The following KLHL26 variants were observed in gnomAD, a reference collection of about 807,000 sequenced individuals.
KLHL26 encodes the protein kelch-like protein 26.
KLHL26 carries 4 observed loss-of-function variants against 7.1 expected under a neutral mutation model. The observed-to-expected ratio is 0.56, with a 90% CI of 0.28 to 1.28. The LOEUF is 1.28. Among genes scored for constraint, KLHL26 ranks in the 50% most tolerant of loss-of-function variants. The pLI, the probability that KLHL26 is intolerant of heterozygous loss-of-function variation, is 0.11. For synonymous variants in KLHL26, 465 were observed against 414.1 expected, an observed-to-expected ratio of 1.12 and a Z score of -1.49; for missense variants, 896 against 924.6, an observed-to-expected ratio of 0.97 and a Z score of 0.40.
chr19:18,657,225 C>G (rs917625875), intron 1 of KLHL26, among the ~76,000 whole-genome samples: 6 of 151,128 alleles, frequency 4.0e-5, no homozygotes, highest in African/African-American at 1.5e-4. Context: ...CCCTGGGTCT[C>G]TGTCTCCCTG....
At chr19:18,664,181 C>A (rs1456061704) in intron 1 of KLHL26, 80 bp from the exon 2 acceptor site, 1 of 1,341,366 alleles carries the variant, frequency 7.5e-7, no homozygotes, top group Non-Finnish European at 1.0e-6. Context: ...TGTCTGGCTT[C>A]TTGCACTGAG....
intron 1 of KLHL26, among the ~76,000 whole-genome samples, chr19:18,647,262 T>TCGTTGTC (rs1976820898): frequency 6.6e-6 from 1 of 152,204 alleles, no homozygotes; most frequent in Non-Finnish European, 1.5e-5. Flanking sequence ...GGCCTCCTTG[T>TCGTTGTC]CGTTGTCCGT....
At position 18,664,281 on chromosome 19, in the gene KLHL26, C is replaced by T. The variant is rs1217613376; in HGVS notation, c.104C>T (p.Ala35Val). The T allele has an allele frequency of 6.2e-7, 1 of 1,603,616 alleles. No homozygotes were observed. The highest frequency in any genetic ancestry group is 2.2e-5 in the East Asian group (1 of 44,804). Residue 35 changes from alanine (A) to valine (V), a missense_variant, in exon 2 of 3, where the codon GCC becomes GTC. Transcript: ENST00000300976. ...CGCAGCACGGCCGACAAGAACGGGG[C>T]CCTCAAGTGCACCTTCTCGGCACCC... ...RPNSTADKNG[A>V]LKCTFSAPSH...
chr19:18,647,309 A>G (rs1976821999), intron 1 of KLHL26, among the ~76,000 whole-genome samples: 1 of 152,210 alleles, frequency 6.6e-6, no homozygotes, highest in Non-Finnish European at 1.5e-5. Context: ...ACCCTCCGCC[A>G]TAATCGCACC....
rs978800457 is a variant in KLHL26 at position 18,656,129 on chromosome 19, C to T, written c.84-8132C>T. Among the ~76,000 whole-genome samples, 1 of 152,114 alleles carries T rather than the reference C, an allele frequency of 6.6e-6. No individual in the cohort carries two copies. The highest frequency in any genetic ancestry group is 1.5e-5 in the Non-Finnish European group (1 of 68,032). On this transcript the variant is annotated intron_variant, in intron 1 of 2. Transcript: ENST00000300976. This position sits in a 1 kb window ranked among gnomAD's most constrained non-coding sequence, Gnocchi z 4.4. ...TTTTCTGGAAGGTTTGAGCAAGGCT[C>T]AGGAAAGGGGAGGCCACGCAGCTTG...
At chr19:18,653,404 G>A (rs1205170743) in intron 1 of KLHL26, among the ~76,000 whole-genome samples, 1 of 30,736 alleles carries the variant, frequency 3.3e-5, no homozygotes, top group African/African-American at 1.3e-4. Flanking sequence ...CCACCCACCT[G>A]CCCCTATCCA....
rs557097679 is a variant in KLHL26, at chr19:18,668,681, C to T, written c.1284C>T (p.Ala428=). 1.7e-5 allele frequency: 27 copies of T among 1,574,764 alleles called. No homozygotes were observed. The South Asian group carries it at 2.5e-4, about 15-fold the overall frequency. The part of the protein sequence containing the change: ...TGGRNRAGSL[A]SVERYCPRRN... ...GCCGCAACCGAGCCGGCAGCCTGGC[C>T]TCCGTGGAGCGGTACTGCCCCCGGC... Residue 428 remains alanine (A), a synonymous_variant, in exon 3 of 3, where the codon GCC becomes GCT. Coordinates refer to ENST00000300976, the MANE Select transcript of KLHL26 (RefSeq NM_018316.3).
At position 18,668,788 on chromosome 19, in the gene KLHL26, T is replaced by G; in HGVS notation, c.1391T>G (p.Ile464Ser). 6.3e-7 allele frequency: 1 copy of G among 1,596,030 alleles called. No individual in the cohort carries two copies. Among genetic ancestry groups the G allele is most frequent in the Non-Finnish European group, 8.5e-7 (1 of 1,178,066 alleles). The change falls in exon 3 of 3, where the codon ATC (isoleucine) becomes AGC (serine). Residue 464 changes from isoleucine (I) to serine (S), a missense_variant. Coordinates refer to ENST00000300976, the MANE Select transcript of KLHL26 (RefSeq NM_018316.3). Reference protein sequence around the residue: ...AGAASGGRLYISGGYGISVED... With the variant: ...AGAASGGRLYSSGGYGISVED... Reference sequence around the variant, plus strand: ...GCCGCCTCAGGGGGCCGCCTCTACATCTCGGGTGGCTACGGGATCTCAGTG... The same window carrying G: ...GCCGCCTCAGGGGGCCGCCTCTACAGCTCGGGTGGCTACGGGATCTCAGTG...
intron 1 of KLHL26, among the ~76,000 whole-genome samples, chr19:18,643,423 C>T (rs1043661896): frequency 6.6e-6 from 1 of 150,938 alleles, no homozygotes; most frequent in Non-Finnish European, 1.5e-5. Flanking sequence ...CCCACCTGGG[C>T]GAGAGAACCA....
chr19:18,665,089 C>T (rs140472435), intron 2 of KLHL26, among the ~76,000 whole-genome samples: 142 of 150,986 alleles, frequency 9.4e-4, no homozygotes, highest in African/African-American at 3.2e-3. Flanking sequence ...CAAAGTCTCG[C>T]TGTGTCGCCC....
At chr19:18,647,979 A>G (rs746169966) in intron 1 of KLHL26, among the ~76,000 whole-genome samples, 9 of 151,228 alleles carry the variant, frequency 6.0e-5, no homozygotes, top group Non-Finnish European at 2.9e-5. Flanking sequence ...AGCAGGAGTT[A>G]GAGAACGTCG....
At chr19:18,639,675 G>C (rs1976679656) in intron 1 of KLHL26, among the ~76,000 whole-genome samples, 1 of 152,060 alleles carries the variant, frequency 6.6e-6, no homozygotes, top group Non-Finnish European at 1.5e-5. Context: ...CTCCCAAAGT[G>C]CTGGGATTAC....
At chr19:18,653,036 C>T (rs866871128) in intron 1 of KLHL26, among the ~76,000 whole-genome samples, 7 of 152,156 alleles carry the variant, frequency 4.6e-5, no homozygotes, top group Admixed American at 1.3e-4. Context: ...TGCTTTTTGG[C>T]CTTTTCATGG....
rs541382136 is a variant in KLHL26 at position 18,641,656 on chromosome 19, G to T, written c.83+4519G>T. ...TCTTTTTTTTTTTTTTGAGATGGAG[G>T]CTTGCTCTGTTGCCCAGGCTAGAGT... On this transcript the variant is annotated intron_variant, in intron 1 of 2. Coordinates refer to ENST00000300976, the MANE Select transcript of KLHL26 (RefSeq NM_018316.3). Among the ~76,000 whole-genome samples, 972 of 125,494 alleles carry T rather than the reference G, an allele frequency of 7.7e-3. 6 individuals carry two copies. The highest frequency in any genetic ancestry group is 0.013 in the Non-Finnish European group (768 of 60,584). 82.3% of individuals were successfully genotyped at this position (125,494 alleles called of 152,430 possible). A position where few individuals can be genotyped will look rare whatever the true frequency, so the allele number is the denominator to read the frequency against.
At chr19:18,667,572 C>T (rs569914402) in intron 2 of KLHL26, 92 bp from the exon 3 acceptor site, 2 of 1,523,486 alleles carry the variant, frequency 1.3e-6, no homozygotes, top group African/African-American at 1.4e-5. Context: ...GTTCTGTGTC[C>T]CCAGGCTACT....
chr19:18,661,985 T>A (rs2052396180), intron 1 of KLHL26, among the ~76,000 whole-genome samples: 1 of 152,122 alleles, frequency 6.6e-6, no homozygotes, highest in Non-Finnish European at 1.5e-5. Context: ...ACTCAAGTGA[T>A]CCTCTCACCT....
intron 1 of KLHL26, among the ~76,000 whole-genome samples, chr19:18,642,821 A>G (rs1976738391): frequency 6.7e-6 from 1 of 150,346 alleles, no homozygotes; most frequent in Non-Finnish European, 1.5e-5. Flanking sequence ...GACTACAGGC[A>G]TCTACTAACA....
rs1369890534 is a variant in KLHL26 at position 18,637,113 on chromosome 19, G to A, written c.59G>A (p.Gly20Asp). Reference sequence around the variant, plus strand: ...GGTGGCGGCGGCGCTTTCGGCGCGGGCCCGGGCCCCGAGCGCCCGAACAGG... The same window carrying A: ...GGTGGCGGCGGCGCTTTCGGCGCGGACCCGGGCCCCGAGCGCCCGAACAGG... Reference protein sequence around the residue: ...GAGGGGAFGAGPGPERPNSTA... With the variant: ...GAGGGGAFGADPGPERPNSTA... The change falls in exon 1 of 3, where the codon GGC becomes GAC. Residue 20 changes from glycine to aspartate, a missense_variant. Gly to Asp is a moderately conservative substitution (Grantham distance 94). Transcript: ENST00000300976. 3 of 1,364,226 alleles carry A rather than the reference G, an allele frequency of 2.2e-6. No individual in the cohort carries two copies. The highest frequency in any genetic ancestry group is 3.1e-5 in the East Asian group (1 of 32,412). The allele number at this position is 1,364,226 out of a possible 1,614,324, so 84.5% of individuals were successfully genotyped here.
At chr19:18,637,207 CG>C in intron 1 of KLHL26, 70 bp downstream of exon 1, 1 of 1,251,722 alleles carries the variant, frequency 8.0e-7, no homozygotes, top group South Asian at 3.2e-5. Flanking sequence ...CAGTCTTGGG[CG>C]TCCTGAGGGG....
Sources: allele counts gnomAD v4.1 joint callset (sites outside exome capture counted in the v4.1 genomes callset), GRCh38; gene constraint gnomAD v4.1.1; non-coding constraint Gnocchi (gnomAD v3.1); transcripts MANE v1.5; gene names NCBI Gene and HGNC (gene_info 2026-07-23, HGNC 2026-07-21).